The following XKR6 variants were observed in gnomAD, a reference collection of about 807,000 sequenced individuals.
XKR6 encodes the protein XK related 6.
Under a neutral mutation model 56.7 loss-of-function variants are expected in XKR6, and 22 were observed. That is an observed-to-expected ratio of 0.39 (90% confidence interval 0.28 to 0.55). The LOEUF (loss-of-function observed/expected upper bound fraction) is 0.55, where lower values mean the gene tolerates loss of function less well. Among genes scored for constraint, XKR6 ranks in the 20% least tolerant of loss-of-function variants. The pLI, the probability that XKR6 is intolerant of heterozygous loss-of-function variation, is 0.66. For missense variants in XKR6, 852 were observed against 889.0 expected (o/e 0.96, Z 0.53); for synonymous variants, 524 against 387.8 (o/e 1.35, Z -4.13).
At chr8:11,088,519 T>A (rs911077312) in intron 1 of XKR6, among the ~76,000 whole-genome samples, 10 of 152,200 alleles carry the variant, frequency 6.6e-5, no homozygotes, top group Non-Finnish European at 1.5e-4. Context: ...CGCTGGAATC[T>A]AGGCTCTCAG....
chr8:11,137,806 G>A (rs577553926), intron 1 of XKR6: 1 of 407,468 alleles, frequency 2.5e-6, no homozygotes, highest in Admixed American at 2.9e-5. Context: ...CAGGCTTTCT[G>A]AACTGCACCG....
intron 1 of XKR6, among the ~76,000 whole-genome samples, chr8:10,930,779 C>A (rs548466757): frequency 2.6e-5 from 4 of 152,270 alleles, no homozygotes; most frequent in Non-Finnish European, 5.9e-5. Context: ...ACTTCCTTAA[C>A]CTTATGTAGA....
At chr8:11,145,115 A>C (rs940499336) in intron 1 of XKR6, among the ~76,000 whole-genome samples, 3 of 152,154 alleles carry the variant, frequency 2.0e-5, no homozygotes, top group Non-Finnish European at 4.4e-5. Flanking sequence ...AAAATGCTCC[A>C]AAATCCAAAA....
chr8:11,152,427 C>A (rs1801314216), intron 1 of XKR6, among the ~76,000 whole-genome samples: 1 of 152,010 alleles, frequency 6.6e-6, no homozygotes, highest in Non-Finnish European at 1.5e-5. Flanking sequence ...TTTTAAAAAT[C>A]TAGATACATA....
intron 2 of XKR6, 25 bp downstream of exon 2, chr8:10,924,609 C>T (rs571757055): frequency 2.8e-5 from 44 of 1,585,038 alleles, no homozygotes; most frequent in South Asian, 6.8e-5. Flanking sequence ...GCCGGGGTGG[C>T]GGGGCGCGGC....
At chr8:11,022,596 G>A (rs1798772237) in intron 1 of XKR6, among the ~76,000 whole-genome samples, 1 of 152,196 alleles carries the variant, frequency 6.6e-6, no homozygotes, top group African/African-American at 2.4e-5. Flanking sequence ...GAGCAGAGGA[G>A]AATGCATGCG....
intron 1 of XKR6, among the ~76,000 whole-genome samples, chr8:11,157,928 C>T (rs1024975060): frequency 6.6e-6 from 1 of 152,146 alleles, no homozygotes; most frequent in Non-Finnish European, 1.5e-5. Context: ...CTCCATCAAG[C>T]GGCATTAGAT....
chr8:11,094,889 G>C (rs765908226), intron 1 of XKR6, among the ~76,000 whole-genome samples: 3 of 152,280 alleles, frequency 2.0e-5, no homozygotes, highest in Middle Eastern at 3.4e-3. Flanking sequence ...CTAAAAAATA[G>C]GCTGAAGGAG....
chr8:10,951,681 G>A (rs1221069624), intron 1 of XKR6, among the ~76,000 whole-genome samples: 1 of 152,212 alleles, frequency 6.6e-6, no homozygotes, highest in African/African-American at 2.4e-5. Context: ...CCCTGGGAGT[G>A]GGGATCTGGG....
Position 11,200,443 on chromosome 8 carries a change from G to A in XKR6, c.764+133C>T. The A allele has an allele frequency of 8.3e-7, 1 of 1,198,108 alleles. No individual in the cohort carries two copies. Among genetic ancestry groups the A allele is most frequent in the Non-Finnish European group, 1.1e-6 (1 of 929,058 alleles). The allele number at this position is 1,198,108 out of a possible 1,614,324, so 74.2% of individuals were successfully genotyped here. A position where few individuals can be genotyped will look rare whatever the true frequency, so the allele number is the denominator to read the frequency against. On this transcript the variant is annotated intron_variant, in intron 1 of 2. Transcript: ENST00000416569. The surrounding 1 kb of genome is among the most constrained non-coding windows in gnomAD (Gnocchi z 6.4). ...AAACGCCGGTCTTTTGGAGACGCCA[G>A]GGGCGGCGCGCGGCCGGTCCCTCCT... is the stretch of plus-strand genomic sequence containing the variant.
At chr8:10,978,440 T>C (rs765753811) in intron 1 of XKR6, among the ~76,000 whole-genome samples, 7 of 152,306 alleles carry the variant, frequency 4.6e-5, no homozygotes, top group Middle Eastern at 3.4e-3. Context: ...TCAAACAAAT[T>C]AAATAATGCA....
intron 1 of XKR6, among the ~76,000 whole-genome samples, chr8:11,100,016 G>A (rs1798410717): frequency 6.6e-6 from 1 of 152,170 alleles, no homozygotes; most frequent in Admixed American, 6.5e-5. Context: ...GGGAGAGGGG[G>A]TGCAGCCAGT....
chr8:11,075,154 C>T (rs1338756480), intron 1 of XKR6, among the ~76,000 whole-genome samples: 1 of 152,202 alleles, frequency 6.6e-6, no homozygotes, highest in Admixed American at 6.5e-5. Flanking sequence ...CACAGGAACC[C>T]TGCCATGGCT....
At chr8:11,038,841 G>A (rs992063054) in intron 1 of XKR6, among the ~76,000 whole-genome samples, 2 of 151,996 alleles carry the variant, frequency 1.3e-5, no homozygotes, top group African/African-American at 4.8e-5. Context: ...GCGCCTGGCC[G>A]ACTTCAGGCA....
At chr8:11,105,201 T>A (rs964993400) in intron 1 of XKR6, 1 of 152,194 alleles carries the variant, frequency 6.6e-6, no homozygotes, top group African/African-American at 2.4e-5. Context: ...GCAGCTCTCA[T>A]CCTTCTGACT....
At chr8:10,910,172 C>G (rs537793273) in intron 2 of XKR6, among the ~76,000 whole-genome samples, 13 of 152,178 alleles carry the variant, frequency 8.5e-5, no homozygotes, top group Non-Finnish European at 1.9e-4. Flanking sequence ...AGGGATACTG[C>G]TAAATACTGC....
At chr8:11,144,323 G>C (rs1421399435) in intron 1 of XKR6, among the ~76,000 whole-genome samples, 1 of 149,846 alleles carries the variant, frequency 6.7e-6, no homozygotes, top group Non-Finnish European at 1.5e-5. Flanking sequence ...AGGAAGAAGC[G>C]GGTATAACCC....
At chr8:11,015,808 G>T (rs953081422) in intron 1 of XKR6, among the ~76,000 whole-genome samples, 6 of 152,152 alleles carry the variant, frequency 3.9e-5, no homozygotes, top group Non-Finnish European at 8.8e-5. Context: ...GGAATTGAGG[G>T]TGGGCTCGGC....
chr8:10,973,776 G>T (rs1419012010), intron 1 of XKR6, among the ~76,000 whole-genome samples: 1 of 151,920 alleles, frequency 6.6e-6, no homozygotes, highest in Non-Finnish European at 1.5e-5. Flanking sequence ...GTAGAAACGG[G>T]GTTTCACCAT....
Sources: gnomAD v4.1 joint callset for allele counts (sites outside exome capture counted in the v4.1 genomes callset) on GRCh38, gnomAD v4.1.1 for gene constraint, Gnocchi (gnomAD v3.1) non-coding constraint, MANE v1.5 for transcripts, NCBI Gene and HGNC (gene_info 2026-07-23, HGNC 2026-07-21) for gene names.